CDK10: variants seen among roughly 807,000 people sequenced by gnomAD.
CDK10 encodes the protein cyclin dependent kinase 10.
CDK10 carries 55 observed loss-of-function variants against 51.0 expected under a neutral mutation model. The ratio of observed to expected loss-of-function variants is 1.08; its 90% CI spans 0.87 to 1.35. CDK10 has a LOEUF of 1.35. Among genes scored for constraint, CDK10 ranks in the 40% most tolerant of loss-of-function variants. CDK10 has a pLI of 0.00. For missense variants in CDK10, 589 were observed against 485.1 expected, an observed-to-expected ratio of 1.21 and a Z score of -2.01; for synonymous variants, 255 against 199.1, an observed-to-expected ratio of 1.28 and a Z score of -2.36.
chr16:89,692,053 G>A, intron 5 of CDK10, 166 bp downstream of exon 5: 1 of 640,196 alleles, frequency 1.6e-6, no homozygotes, highest in Non-Finnish European at 2.7e-6. Context: ...CTGTGGTGGG[G>A]GCATCTGCTG....
chr16:89,693,580 G>A lies in CDK10; in HGVS notation c.608+113G>A. ...GGCCTTGGGAATGTTAAGCTACAGG[G>A]TCTGTGCACACTCAGAAACGTTGGG... On this transcript the variant is annotated intron_variant, in intron 8 of 12. Coordinates refer to ENST00000353379, the MANE Select transcript of CDK10 (RefSeq NM_052988.5). The A allele has an allele frequency of 2.9e-6, 3 of 1,043,332 alleles. 1 individual carries two copies. The South Asian group carries it at 4.1e-5, about 14-fold the overall frequency. The allele number at this position is 1,043,332 out of a possible 1,614,324, so 64.6% of individuals were successfully genotyped here.
chr16:89,687,813 G>C (rs958118466), intron 1 of CDK10: 9 of 349,462 alleles, frequency 2.6e-5, no homozygotes. Context: ...ACAAGCAGAG[G>C]ATGTGAGAAG....
intron 8 of CDK10, chr16:89,693,888 G>A: frequency 1.7e-6 from 1 of 578,742 alleles, no homozygotes; most frequent in East Asian, 2.9e-5. Context: ...GGACCCCAGT[G>A]TCGTGTACTC....
In CDK10 at chr16:89,695,031, G is replaced by A. The variant is rs376865715; in HGVS notation, c.893G>A (p.Arg298His). The stretch of plus-strand genomic sequence containing the variant: ...CCATGGCTGTCGGAGGCCGGGCTGC[G>A]CCTGCTGCACTTCCTGTTCATGTAC... ...KFPWLSEAGL[R>H]LLHFLFMYDP... The change falls in exon 11 of 13, where the codon CGC becomes CAC. Residue 298 changes from arginine (R) to histidine (H), a missense_variant. Physicochemically the swap from Arg to His is conservative, Grantham distance 29. Transcript: ENST00000353379. 31 of 1,613,072 alleles carry A rather than the reference G, an allele frequency of 1.9e-5. No individual in the cohort carries two copies. The highest frequency in any genetic ancestry group is 4.5e-5 in the East Asian group (2 of 44,898).
intron 6 of CDK10, 83 bp downstream of exon 6, chr16:89,692,599 AG>A: frequency 9.8e-7 from 1 of 1,016,462 alleles, no homozygotes; most frequent in Non-Finnish European, 1.4e-6. Flanking sequence ...CTAAAAGCTC[AG>A]GGGTTCCCAG....
At chr16:89,691,606 G>T in intron 4 of CDK10, 61 bp downstream of exon 4, 2 of 1,434,144 alleles carry the variant, frequency 1.4e-6, no homozygotes, top group South Asian at 2.4e-5. Flanking sequence ...GGCTAGAGGT[G>T]TTGCACAGAG....
intron 3 of CDK10, among the ~76,000 whole-genome samples, chr16:89,691,075 C>A (rs1230556126): frequency 6.6e-6 from 1 of 152,184 alleles, no homozygotes; most frequent in Non-Finnish European, 1.5e-5. Context: ...CACCTGAGGT[C>A]GGCAGTTCAA....
intron 8 of CDK10, 82 bp from the exon 9 acceptor site, chr16:89,694,091 C>A (rs1290312800): frequency 7.1e-7 from 1 of 1,408,202 alleles, no homozygotes; most frequent in Non-Finnish European, 1.0e-6. Flanking sequence ...CCACCACAGG[C>A]TCTCGGGGAG....
chr16:89,692,571 G>T, intron 6 of CDK10, 55 bp downstream of exon 6: 1 of 1,340,686 alleles, frequency 7.5e-7, no homozygotes, highest in Non-Finnish European at 1.0e-6. Context: ...GCCTAACTCT[G>T]CTGCCCCTGT....
At chr16:89,687,646 G>C (rs1044337685) in intron 1 of CDK10, 3 of 442,478 alleles carry the variant, frequency 6.8e-6, no homozygotes, top group Non-Finnish European at 1.4e-5. Flanking sequence ...TCAGTGCATC[G>C]TCAGCCTCCT....
rs1291304930 is a variant in CDK10 at position 89,686,799 on chromosome 16, T to TGCGCGGGGTGCC, written c.87+3_87+14dup. On this transcript the variant is annotated splice_region_variant and intron_variant, in intron 1 of 12. Coordinates refer to ENST00000353379, the MANE Select transcript of CDK10 (RefSeq NM_052988.5). The stretch of plus-strand genomic sequence containing the variant: ...TTCACGGTGCCTCCGGAACACAGGG[T>TGCGCGGGGTGCC]GCGCGGGGTGCCACCCGGGCAGCTC... 16 of 1,608,080 alleles carry TGCGCGGGGTGCC rather than the reference T, an allele frequency of 9.9e-6. No individual in the cohort carries two copies. Among genetic ancestry groups the TGCGCGGGGTGCC allele is most frequent in the Admixed American group, 1.7e-5 (1 of 59,582 alleles).
intron 5 of CDK10, 39 bp from the exon 6 acceptor site, chr16:89,692,410 C>G (rs749591092): frequency 2.7e-6 from 4 of 1,474,556 alleles, no homozygotes; most frequent in Non-Finnish European, 3.6e-6. Context: ...GGCTTCCCTG[C>G]AGGCTCACCC....
chr16:89,695,218 C>A, intron 11 of CDK10, 75 bp from the exon 12 acceptor site: 1 of 1,547,214 alleles, frequency 6.5e-7, no homozygotes, highest in Non-Finnish European at 8.8e-7. Context: ...GCATTTGAAT[C>A]ACAGGCTGCT....
In CDK10 at chr16:89,693,316, T is replaced by A; in HGVS notation, c.528T>A (p.Cys176Ter). Reference protein sequence around the residue: ...VSNLLMTDKGCVKTADFGLAR... With the variant: ...VSNLLMTDKG ...ACTTGCTCATGACCGACAAGGGTTGTGTGAAGACAGGTGGGTGCAACTTGG... is the reference window on the plus strand; with the variant it reads ...ACTTGCTCATGACCGACAAGGGTTGAGTGAAGACAGGTGGGTGCAACTTGG... Residue 176 changes from cysteine (C) to a stop codon, truncating the protein, a stop_gained, in exon 7 of 13, where the codon TGT becomes TGA. Transcript: ENST00000353379. LOFTEE classifies it high-confidence loss of function. 2 of 1,614,128 alleles carry A rather than the reference T, an allele frequency of 1.2e-6. No homozygotes were observed. The highest frequency in any genetic ancestry group is 1.7e-6 in the Non-Finnish European group (2 of 1,180,030).
chr16:89,688,078 T>C (rs1169319713), intron 1 of CDK10, among the ~76,000 whole-genome samples: 1 of 22,408 alleles, frequency 4.5e-5, no homozygotes, highest in African/African-American at 4.3e-4. Flanking sequence ...CTACGTGTGC[T>C]TTTTTTTTTT....
At position 89,690,534 on chromosome 16, in the gene CDK10, C is replaced by G; in HGVS notation, c.161-19C>G. The stretch of plus-strand genomic sequence containing the variant: ...AGGGGCATCGAGATGATGTCATCAC[C>G]AATGTGTTTCCATTCCAGATCGGGC... On this transcript the variant is annotated intron_variant, in intron 2 of 12. Transcript: ENST00000353379. 2 of 1,611,694 alleles carry G rather than the reference C, an allele frequency of 1.2e-6. No homozygotes were observed. The highest frequency in any genetic ancestry group is 1.7e-6 in the Non-Finnish European group (2 of 1,177,876).
In CDK10 at chr16:89,693,231, T is replaced by C. The variant is rs1234421243; in HGVS notation, c.486-43T>C. On this transcript the variant is annotated intron_variant, in intron 6 of 12. Coordinates refer to ENST00000353379, the MANE Select transcript of CDK10 (RefSeq NM_052988.5). The stretch of plus-strand genomic sequence containing the variant: ...GTGCCGTGGGGGAGCTCTCAGCCCC[T>C]GTGGCCCTCTGGGAGCCACCTGCCA... 7 of 1,598,190 alleles carry C rather than the reference T, an allele frequency of 4.4e-6. No individual in the cohort carries two copies. In the Admixed American group the frequency reaches 1.0e-4, roughly 23 times the overall value.
chr16:89,687,681 G>C, intron 1 of CDK10: 1 of 436,562 alleles, frequency 2.3e-6, no homozygotes, highest in Non-Finnish European at 4.7e-6. Flanking sequence ...TTCCTGCCTC[G>C]GCCTCCCAAG....
chr16:89,689,353 C>T (rs761710006), intron 2 of CDK10, 29 bp downstream of exon 2: 23 of 1,598,546 alleles, frequency 1.4e-5, no homozygotes, highest in Non-Finnish European at 1.6e-5. Context: ...GACATGTGGC[C>T]GCAGCTCGTG....
Sources: gnomAD v4.1 joint callset for allele counts (sites outside exome capture counted in the v4.1 genomes callset) on GRCh38, gnomAD v4.1.1 for gene constraint, MANE v1.5 for transcripts, NCBI Gene and HGNC (gene_info 2026-07-23, HGNC 2026-07-21) for gene names.